ASAP2: variants seen among roughly 807,000 people sequenced by gnomAD.
ASAP2 encodes the protein arf-GAP with SH3 domain, ANK repeat and PH domain-containing protein 2.
Under a neutral mutation model 131.4 loss-of-function variants are expected in ASAP2, and 45 were observed. That is an observed-to-expected ratio of 0.34 (90% CI 0.27 to 0.44). The LOEUF (loss-of-function observed/expected upper bound fraction) is 0.44, where lower values mean the gene tolerates loss of function less well. Ranked by LOEUF, ASAP2 falls within the 20% of genes least tolerant of loss-of-function variation. The pLI, the probability that ASAP2 is intolerant of heterozygous loss-of-function variation, is 1.00. For missense variants in ASAP2, 1,011 were observed against 1,297.0 expected (o/e 0.78, Z 3.39); for synonymous variants, 510 against 503.0 (o/e 1.01, Z -0.19).
At chr2:9,369,934 T>C (rs1333512770) in intron 16 of ASAP2, among the ~76,000 whole-genome samples, 1 of 152,168 alleles carries the variant, frequency 6.6e-6, no homozygotes, top group African/African-American at 2.4e-5. Flanking sequence ...ATCCGCCTCC[T>C]GGGTTCGAGT....
At chr2:9,270,493 A>G (rs2148254027) in intron 1 of ASAP2, among the ~76,000 whole-genome samples, 1 of 152,190 alleles carries the variant, frequency 6.6e-6, no homozygotes, top group East Asian at 1.9e-4. Context: ...ATATTTTGAT[A>G]CAGGCATGCA....
chr2:9,256,507 A>G (rs967406700), intron 1 of ASAP2, among the ~76,000 whole-genome samples: 2 of 152,224 alleles, frequency 1.3e-5, no homozygotes, highest in Admixed American at 6.5e-5. Context: ...GCAAGGAGAT[A>G]TTAGATGTTG....
At chr2:9,237,169 AAG>A (rs755917956) in intron 1 of ASAP2, among the ~76,000 whole-genome samples, 21 of 151,692 alleles carry the variant, frequency 1.4e-4, no homozygotes, top group Non-Finnish European at 2.8e-4. Flanking sequence ...TTTTTAAAAA[AAG>A]AGAGTTAAAA....
At chr2:9,243,441 A>G (rs1306168674) in intron 1 of ASAP2, among the ~76,000 whole-genome samples, 2 of 152,216 alleles carry the variant, frequency 1.3e-5, no homozygotes, top group Non-Finnish European at 2.9e-5. Context: ...ATTTTTGTCC[A>G]TAGATTACAA....
At chr2:9,324,601 C>G (rs1423239584) in intron 6 of ASAP2, among the ~76,000 whole-genome samples, 1 of 152,122 alleles carries the variant, frequency 6.6e-6, no homozygotes, top group Admixed American at 6.5e-5. Flanking sequence ...ATAGCAGACA[C>G]ACTCTTCTCA....
intron 2 of ASAP2, among the ~76,000 whole-genome samples, chr2:9,284,393 G>A (rs185142777): frequency 2.2e-3 from 337 of 152,266 alleles, no homozygotes; most frequent in Middle Eastern, 0.017. Context: ...CAGTTAATTA[G>A]AAGCCCTTGA....
chr2:9,328,149 A>C (rs568237991), intron 7 of ASAP2, among the ~76,000 whole-genome samples: 4 of 152,204 alleles, frequency 2.6e-5, no homozygotes, highest in Non-Finnish European at 5.9e-5. Context: ...GAATAAGTAC[A>C]TCCACAGAGA....
chr2:9,249,750 G>A (rs1430187377), intron 1 of ASAP2, among the ~76,000 whole-genome samples: 1 of 149,228 alleles, frequency 6.7e-6, no homozygotes, highest in African/African-American at 2.4e-5. Context: ...GCTGGCGGGG[G>A]AGCTGCATGC....
chr2:9,380,823 A>G lies in ASAP2; in HGVS notation c.2016+15A>G, dbSNP rs1674781805. The G allele has an allele frequency of 1.2e-6, 2 of 1,612,544 alleles. No homozygotes were observed. The highest frequency in any genetic ancestry group is 1.7e-6 in the Non-Finnish European group (2 of 1,179,082). On this transcript the variant is annotated intron_variant, in intron 20 of 27. Transcript: ENST00000281419. ...GTGAGGAGCTGGTGAGTCTCCCACC[A>G]CAAGGACGGGGTGGGGCACCTGTCA...
intron 1 of ASAP2, among the ~76,000 whole-genome samples, chr2:9,222,930 T>C (rs902081638): frequency 6.6e-6 from 1 of 152,174 alleles, no homozygotes; most frequent in Non-Finnish European, 1.5e-5. Flanking sequence ...TTTTCCTCTT[T>C]GTTTTCTCTT....
At position 9,232,728 on chromosome 2, in the gene ASAP2, TTG is replaced by T. The variant is rs1663256798; in HGVS notation, c.126+25499_126+25500del. Among the ~76,000 whole-genome samples the T allele has an allele frequency of 6.6e-6, 1 of 152,208 alleles. No individual in the cohort carries two copies. The highest frequency in any genetic ancestry group is 1.5e-5 in the Non-Finnish European group (1 of 68,018). Reference sequence around the variant, plus strand: ...AACTGACAGGCAACTACAGCTTAGATTGCAGGGAGTGAGACATGCTGTTGCCG... The same window carrying T: ...AACTGACAGGCAACTACAGCTTAGATCAGGGAGTGAGACATGCTGTTGCCG... On this transcript the variant is annotated intron_variant, in intron 1 of 27. Transcript: ENST00000281419. This position sits in a 1 kb window ranked among gnomAD's most constrained non-coding sequence, Gnocchi z 4.1.
chr2:9,321,215 A>T (rs1572446709), intron 5 of ASAP2, among the ~76,000 whole-genome samples: 1 of 145,608 alleles, frequency 6.9e-6, no homozygotes. Context: ...TAGATTGTTT[A>T]AAAAAAAAAT....
In ASAP2 at chr2:9,358,784, C is replaced by T; in HGVS notation, c.1356C>T (p.Gly452=). 6.2e-7 allele frequency: 1 copy of T among 1,613,522 alleles called. No individual in the cohort carries two copies. The highest frequency in any genetic ancestry group is 8.5e-7 in the Non-Finnish European group (1 of 1,179,884). Residue 452 remains glycine (G), a synonymous_variant, in exon 15 of 28, where the codon GGC becomes GGT. Coordinates refer to ENST00000281419, the MANE Select transcript of ASAP2 (RefSeq NM_003887.3). ...PDPTWLSTNL[G]ILTCIECSGI... ...CTACATGGCTTTCCACCAACCTGGG[C>T]ATCCTGACCTGCATCGAGTGTTCCG...
intron 7 of ASAP2, among the ~76,000 whole-genome samples, chr2:9,332,991 C>T (rs1396074039): frequency 6.6e-6 from 1 of 152,248 alleles, no homozygotes; most frequent in Non-Finnish European, 1.5e-5. Context: ...GGTCAGAGTT[C>T]ATGCCCCACG....
At chr2:9,291,674 G>T (rs1667821432) in intron 2 of ASAP2, among the ~76,000 whole-genome samples, 2 of 152,158 alleles carry the variant, frequency 1.3e-5, no homozygotes, top group South Asian at 4.1e-4. Flanking sequence ...TGGAAGGTTG[G>T]AATGTGGGGT....
At chr2:9,211,992 T>A (rs544302669) in intron 1 of ASAP2, among the ~76,000 whole-genome samples, 11 of 152,302 alleles carry the variant, frequency 7.2e-5, no homozygotes, top group Admixed American at 3.3e-4. Flanking sequence ...AAATTTTGAA[T>A]CACTTAAGGA....
chr2:9,321,318 C>A (rs1038344900), intron 5 of ASAP2, among the ~76,000 whole-genome samples: 5 of 152,118 alleles, frequency 3.3e-5, no homozygotes, highest in African/African-American at 1.2e-4. Context: ...GGGAATCTTA[C>A]ATTTCCATAC....
At chr2:9,297,191 G>C (rs543684273) in intron 2 of ASAP2, 109 bp from the exon 3 acceptor site, 3 of 1,373,382 alleles carry the variant, frequency 2.2e-6, no homozygotes, top group African/African-American at 2.9e-5. Context: ...ACTTTTCTCA[G>C]ATTTTTCTTC....
In ASAP2 at chr2:9,217,359, G is replaced by A. The variant is rs1206811987; in HGVS notation, c.126+10129G>A. ...GCTCTGCTGACATGCCCAGCCCCAC[G>A]GAGCAGAGTGGCCAGGGGCATTGCT... On this transcript the variant is annotated intron_variant, in intron 1 of 27. Coordinates refer to ENST00000281419, the MANE Select transcript of ASAP2 (RefSeq NM_003887.3). The surrounding 1 kb of genome is among the most constrained non-coding windows in gnomAD (Gnocchi z 4.0). Among the ~76,000 whole-genome samples, 3 of 152,146 alleles carry A rather than the reference G, an allele frequency of 2.0e-5. No homozygotes were observed. Among genetic ancestry groups the A allele is most frequent in the Admixed American group, 6.5e-5 (1 of 15,274 alleles).
Sources: allele counts gnomAD v4.1 joint callset (sites outside exome capture counted in the v4.1 genomes callset), GRCh38; gene constraint gnomAD v4.1.1; non-coding constraint Gnocchi (gnomAD v3.1); transcripts MANE v1.5; gene names NCBI Gene and HGNC (gene_info 2026-07-23, HGNC 2026-07-21).